The following TMPRSS15 variants were observed in gnomAD, a reference collection of about 807,000 sequenced individuals.
TMPRSS15 encodes enteropeptidase.
Under a neutral mutation model 125.3 loss-of-function variants are expected in TMPRSS15, and 128 were observed. The observed-to-expected ratio is 1.02, with a 90% CI of 0.89 to 1.18. TMPRSS15 has a LOEUF of 1.18. TMPRSS15 is among the 50% of genes most tolerant of loss of function. The pLI is 0.00. For missense variants in TMPRSS15, 1,283 were observed against 1,212.7 expected (o/e 1.06, Z -0.86); for synonymous variants, 446 against 423.2 (o/e 1.05, Z -0.66).
chr21:18,282,081 A>G (rs531749180), intron 21 of TMPRSS15, among the ~76,000 whole-genome samples: 148 of 146,762 alleles, frequency 1.0e-3, no homozygotes, highest in African/African-American at 3.5e-3. Context: ...CTGGGAGACA[A>G]AGCAAGACTC....
chr21:18,274,618 T>C (rs961033418), intron 24 of TMPRSS15, among the ~76,000 whole-genome samples: 1 of 152,184 alleles, frequency 6.6e-6, no homozygotes, highest in Non-Finnish European at 1.5e-5. Context: ...GTGTAAACGA[T>C]AATATAAAAG....
chr21:18,347,837 A>T (rs28368710), intron 10 of TMPRSS15, among the ~76,000 whole-genome samples: 33,441 of 152,068 alleles, frequency 0.22, 3,907 homozygotes, highest in East Asian at 0.47. Flanking sequence ...TCAACTTAAA[A>T]CCCAGGATAT....
chr21:18,337,678 T>A (rs757596714), intron 13 of TMPRSS15, among the ~76,000 whole-genome samples: 3 of 152,202 alleles, frequency 2.0e-5, no homozygotes, highest in Non-Finnish European at 4.4e-5. Context: ...GGGAGGAAAC[T>A]GAGCGTTATT....
At chr21:18,372,415 C>T in intron 5 of TMPRSS15, 91 bp from the exon 6 acceptor site, 1 of 1,128,730 alleles carries the variant, frequency 8.9e-7, no homozygotes, top group East Asian at 2.6e-5. Context: ...GGGGTTCTTA[C>T]TTATAAGTAT....
chr21:18,353,976 T>A, intron 8 of TMPRSS15, 113 bp from the exon 9 acceptor site: 1 of 938,644 alleles, frequency 1.1e-6, no homozygotes, highest in South Asian at 1.5e-5. Flanking sequence ...TATACAAATA[T>A]CTATCTGATA....
rs887859544 is a variant in TMPRSS15, at chr21:18,303,990, T to C, written c.2166-6161A>G. Among the ~76,000 whole-genome samples the C allele has an allele frequency of 2.6e-5, 4 of 152,178 alleles. No homozygotes were observed. In the East Asian group the frequency reaches 7.7e-4, roughly 29 times the overall value. Reference sequence around the variant, plus strand: ...TTAGTAGGAGAAAGGAGGAATAATGTTTTTCCAAGTAAGAAGTAATACCCG... The same window carrying C: ...TTAGTAGGAGAAAGGAGGAATAATGCTTTTCCAAGTAAGAAGTAATACCCG... On this transcript the variant is annotated intron_variant, in intron 18 of 24. Coordinates refer to ENST00000284885, the MANE Select transcript of TMPRSS15 (RefSeq NM_002772.3).
At chr21:18,415,326 T>C (rs182979531) in intron 1 of TMPRSS15, among the ~76,000 whole-genome samples, 174 of 152,254 alleles carry the variant, frequency 1.1e-3, no homozygotes, top group South Asian at 1.5e-3. Context: ...ATCTGTTGCT[T>C]CCTTTCCTGC....
At chr21:18,440,163 A>AG (rs1311968764) in intron 1 of TMPRSS15, among the ~76,000 whole-genome samples, 2 of 151,796 alleles carry the variant, frequency 1.3e-5, no homozygotes, top group Admixed American at 1.3e-4. Flanking sequence ...TCACGAGGTC[A>AG]GGAGATTGAG....
intron 13 of TMPRSS15, among the ~76,000 whole-genome samples, chr21:18,333,381 T>C (rs1373154798): frequency 6.6e-6 from 1 of 152,150 alleles, no homozygotes; most frequent in Non-Finnish European, 1.5e-5. Flanking sequence ...ACAAAGGAAA[T>C]TTTTTTGTCA....
chr21:18,372,404 T>C, intron 5 of TMPRSS15, 80 bp from the exon 6 acceptor site: 1 of 1,307,050 alleles, frequency 7.7e-7, no homozygotes, highest in Middle Eastern at 1.9e-4. Context: ...TTTTTGCCAC[T>C]GGGGTTCTTA....
chr21:18,316,439 A>G (rs2075167708), intron 16 of TMPRSS15, among the ~76,000 whole-genome samples: 2 of 152,174 alleles, frequency 1.3e-5, no homozygotes, highest in Admixed American at 1.3e-4. Context: ...GTGAGATCAA[A>G]GTTGGATTGG....
At chr21:18,438,206 C>T (rs932735076) in intron 1 of TMPRSS15, among the ~76,000 whole-genome samples, 1 of 150,224 alleles carries the variant, frequency 6.7e-6, no homozygotes, top group African/African-American at 2.5e-5. Flanking sequence ...AATCATCATT[C>T]TCAGTAAACT....
intron 16 of TMPRSS15, among the ~76,000 whole-genome samples, chr21:18,316,319 C>A (rs1252525211): frequency 6.6e-6 from 1 of 152,168 alleles, no homozygotes; most frequent in Non-Finnish European, 1.5e-5. Flanking sequence ...AACGAACATA[C>A]AAGCAACAAC....
intron 22 of TMPRSS15, among the ~76,000 whole-genome samples, chr21:18,280,593 A>C (rs113620356): frequency 3.2e-4 from 46 of 143,664 alleles, no homozygotes; most frequent in Admixed American, 1.7e-3. Flanking sequence ...AAAAAAAAAA[A>C]AACAACAAAA....
intron 1 of TMPRSS15, among the ~76,000 whole-genome samples, chr21:18,476,416 C>A (rs1471331077): frequency 6.6e-6 from 1 of 151,942 alleles, no homozygotes; most frequent in Non-Finnish European, 1.5e-5. Context: ...AGAAATATTT[C>A]TTTAAAGGGA....
In TMPRSS15 at chr21:18,294,664, G is replaced by C. The variant is rs964154971; in HGVS notation, c.2262-12C>G. The C allele has an allele frequency of 1.2e-6, 2 of 1,604,494 alleles. No homozygotes were observed. The highest frequency in any genetic ancestry group is 2.2e-5 in the East Asian group (1 of 44,818). On this transcript the variant is annotated splice_polypyrimidine_tract_variant and intron_variant, in intron 19 of 24. Coordinates refer to ENST00000284885, the MANE Select transcript of TMPRSS15 (RefSeq NM_002772.3). ...GTAAACACTGTTGACTGTAATAGAA[G>C]AACAATCATATTTTTAAAATTATGC...
At chr21:18,401,101 A>C (rs2076091163) in intron 1 of TMPRSS15, among the ~76,000 whole-genome samples, 1 of 152,330 alleles carries the variant, frequency 6.6e-6, no homozygotes, top group South Asian at 2.1e-4. Context: ...AAGGCTGCAG[A>C]GAAACAGGAA....
At chr21:18,379,362 C>A in intron 4 of TMPRSS15, 44 bp from the exon 5 acceptor site, 2 of 916,044 alleles carry the variant, frequency 2.2e-6, no homozygotes, top group African/African-American at 1.7e-5. Flanking sequence ...CTATTTTAAA[C>A]TAATTACCAG....
chr21:18,327,686 T>C (rs1034138855), intron 15 of TMPRSS15, among the ~76,000 whole-genome samples: 3 of 152,024 alleles, frequency 2.0e-5, no homozygotes, highest in Non-Finnish European at 2.9e-5. Flanking sequence ...GATTTTACAA[T>C]ACATGATGAA....
Sources: allele counts gnomAD v4.1 joint callset (sites outside exome capture counted in the v4.1 genomes callset), GRCh38; gene constraint gnomAD v4.1.1; transcripts MANE v1.5; gene names NCBI Gene and HGNC (gene_info 2026-07-23, HGNC 2026-07-21).